Variants in SORCS1 observed in about 807,000 individuals in gnomAD.
SORCS1 encodes VPS10 domain-containing receptor SorCS1.
A neutral mutation model predicts 146.1 loss-of-function variants in SORCS1; 60 were observed. The ratio of observed to expected loss-of-function variants is 0.41; its 90% CI spans 0.33 to 0.51. The LOEUF (loss-of-function observed/expected upper bound fraction) is 0.51. Ranked by LOEUF, SORCS1 falls within the 20% of genes least tolerant of loss-of-function variation. SORCS1 has a pLI of 0.21. For missense variants in SORCS1, 1,352 were observed against 1,487.6 expected, an observed-to-expected ratio of 0.91 and a Z score of 1.50; for synonymous variants, 637 against 584.0, an observed-to-expected ratio of 1.09 and a Z score of -1.31.
chr10:106,936,027 T>A lies in SORCS1; in HGVS notation c.626+20486A>T, dbSNP rs150754379. On this transcript the variant is annotated intron_variant, in intron 2 of 25. Transcript: ENST00000263054. ...ATCATCTGATTGGAGCATATCTGAA[T>A]GTTAACTATTCTTTACTGCCTCCTG... 2.0e-5 allele frequency among the ~76,000 whole-genome samples: 3 copies of A among 152,332 alleles called. 1 individual carries two copies. The highest frequency in any genetic ancestry group is 7.2e-5 in the African/African-American group (3 of 41,578).
intron 25 of SORCS1, chr10:106,578,489 T>TAAAAAAAA (rs1844697418): frequency 5.1e-6 from 1 of 197,848 alleles, no homozygotes; most frequent in Middle Eastern, 2.4e-3. Context: ...TGCCTGGATG[T>TAAAAAAAA]CTGCAAACAT....
chr10:106,856,028 A>C (rs1005003650), intron 2 of SORCS1, among the ~76,000 whole-genome samples: 1 of 140,940 alleles, frequency 7.1e-6, no homozygotes. Flanking sequence ...GAGACACAAC[A>C]TTTTTTTTTT....
intron 1 of SORCS1, among the ~76,000 whole-genome samples, chr10:107,026,544 G>C (rs1179462690): frequency 6.6e-6 from 1 of 152,026 alleles, no homozygotes; most frequent in Non-Finnish European, 1.5e-5. Context: ...CGTGAACCCA[G>C]GAGGCGAAGC....
chr10:107,089,035 C>G (rs2134293718), intron 1 of SORCS1, among the ~76,000 whole-genome samples: 1 of 152,270 alleles, frequency 6.6e-6, no homozygotes, highest in Non-Finnish European at 1.5e-5. Context: ...GACTTAGAAT[C>G]TTGTGATATA....
At chr10:106,677,451 T>C (rs1358357938) in intron 12 of SORCS1, 47 bp from the exon 13 acceptor site, 1 of 1,512,618 alleles carries the variant, frequency 6.6e-7, no homozygotes, top group South Asian at 1.1e-5. Context: ...CATCCACACA[T>C]ACCCAGGCTT....
At chr10:106,677,522 A>G (rs1160053665) in intron 12 of SORCS1, 118 bp from the exon 13 acceptor site, 1 of 841,154 alleles carries the variant, frequency 1.2e-6, no homozygotes, top group African/African-American at 1.7e-5. Flanking sequence ...AGGTTTCCCT[A>G]AATCTTTGCG....
At chr10:106,908,237 C>T (rs771558507) in intron 2 of SORCS1, among the ~76,000 whole-genome samples, 1 of 152,100 alleles carries the variant, frequency 6.6e-6, no homozygotes, top group South Asian at 2.1e-4. Flanking sequence ...AACAGTTCCA[C>T]GGGTTATGAG....
At chr10:107,137,746 C>A (rs907004535) in intron 1 of SORCS1, among the ~76,000 whole-genome samples, 1 of 151,908 alleles carries the variant, frequency 6.6e-6, no homozygotes, top group Non-Finnish European at 1.5e-5. Flanking sequence ...CCTGTAATCC[C>A]AGCTACTTGG....
At chr10:106,989,595 G>A (rs539566581) in intron 1 of SORCS1, among the ~76,000 whole-genome samples, 2 of 150,824 alleles carry the variant, frequency 1.3e-5, no homozygotes, top group East Asian at 3.9e-4. Context: ...AACAGGCACT[G>A]TGTCCCTTCA....
At chr10:106,778,825 C>G (rs1425934175) in intron 3 of SORCS1, among the ~76,000 whole-genome samples, 1 of 152,152 alleles carries the variant, frequency 6.6e-6, no homozygotes, top group Non-Finnish European at 1.5e-5. Context: ...ATATGCTTTC[C>G]TCTTTTCCCA....
At chr10:106,582,689 G>A (rs149764664) in intron 24 of SORCS1, among the ~76,000 whole-genome samples, 1 of 152,084 alleles carries the variant, frequency 6.6e-6, no homozygotes, top group East Asian at 1.9e-4. Flanking sequence ...AAAGTGCTGA[G>A]CAGTTTTTTG....
intron 1 of SORCS1, among the ~76,000 whole-genome samples, chr10:107,038,878 C>T (rs1185979146): frequency 1.3e-5 from 2 of 151,996 alleles, no homozygotes; most frequent in Admixed American, 6.6e-5. Flanking sequence ...ATCTTTCAAT[C>T]CTGAATGCTA....
At chr10:106,758,924 T>C (rs1858868965) in intron 5 of SORCS1, among the ~76,000 whole-genome samples, 1 of 152,174 alleles carries the variant, frequency 6.6e-6, no homozygotes, top group South Asian at 2.1e-4. Context: ...GTTACAAATG[T>C]CTCATTATGA....
intron 19 of SORCS1, among the ~76,000 whole-genome samples, chr10:106,622,622 T>C (rs371033101): frequency 1.3e-5 from 2 of 152,238 alleles, no homozygotes; most frequent in African/African-American, 4.8e-5. Context: ...TGAGAAGCAG[T>C]TGATTATAAG....
chr10:107,166,742 A>G (rs1051067640), upstream of SORCS1, among the ~76,000 whole-genome samples: 8 of 152,204 alleles, frequency 5.3e-5, no homozygotes, highest in Non-Finnish European at 1.2e-4. Flanking sequence ...TCCAGTCTGG[A>G]TAAGTACATG....
chr10:106,629,521 A>G lies in SORCS1; in HGVS notation c.2476-133T>C, dbSNP rs1848310384. On this transcript the variant is annotated intron_variant, in intron 18 of 25. Coordinates refer to ENST00000263054, the MANE Select transcript of SORCS1 (RefSeq NM_052918.5). ...GCCCTGGCTCACTCCTACAGCTAGG[A>G]GCATCTGCCTGCCTTTGACAGAATC... 3 of 784,560 alleles carry G rather than the reference A, an allele frequency of 3.8e-6. 1 individual carries two copies. The highest frequency in any genetic ancestry group is 5.3e-5 in the Admixed American group (2 of 37,432). The allele number at this position is 784,560 out of a possible 1,614,324, so 48.6% of individuals were successfully genotyped here.
chr10:107,003,614 C>A (rs1033025367), intron 1 of SORCS1, among the ~76,000 whole-genome samples: 1 of 152,118 alleles, frequency 6.6e-6, no homozygotes, highest in Admixed American at 6.5e-5. Flanking sequence ...CATAAAAATG[C>A]ACCATCATGT....
chr10:106,899,020 G>C (rs1374952196), intron 2 of SORCS1, among the ~76,000 whole-genome samples: 1 of 152,158 alleles, frequency 6.6e-6, no homozygotes, highest in Non-Finnish European at 1.5e-5. Context: ...TGGTTTACCA[G>C]GTGGATTCTT....
intron 3 of SORCS1, among the ~76,000 whole-genome samples, chr10:106,823,466 C>A (rs547317845): frequency 6.6e-6 from 1 of 152,308 alleles, no homozygotes; most frequent in African/African-American, 2.4e-5. Flanking sequence ...GCTGATTTCA[C>A]AGAGCATTTC....
Sources: gnomAD v4.1 joint callset for allele counts (sites outside exome capture counted in the v4.1 genomes callset) on GRCh38, gnomAD v4.1.1 for gene constraint, MANE v1.5 for transcripts, NCBI Gene and HGNC (gene_info 2026-07-23, HGNC 2026-07-21) for gene names.